The following IL27 variants were observed in gnomAD, a reference collection of about 807,000 sequenced individuals.
IL27 encodes the protein interleukin-27 subunit alpha.
IL27 carries 11 observed loss-of-function variants against 27.0 expected under a neutral mutation model. That is an observed-to-expected ratio of 0.41 (90% CI 0.26 to 0.67). IL27 has a LOEUF of 0.67. IL27 is among the 30% of genes least tolerant of loss of function. The probability of loss-of-function intolerance (pLI) is 0.34; values close to 1 mark genes in which losing one functional copy is unlikely to be tolerated. For missense variants in IL27, 299 were observed against 310.4 expected (o/e 0.96, Z 0.28); for synonymous variants, 134 against 140.6 (o/e 0.95, Z 0.33).
rs762188452 is a variant in IL27, at chr16:28,502,003, G to A, written c.435C>T (p.Arg145=). 16 of 1,609,872 alleles carry A rather than the reference G, an allele frequency of 9.9e-6. No individual in the cohort carries two copies. The highest frequency in any genetic ancestry group is 3.3e-5 in the South Asian group (3 of 91,022). The change falls in exon 4 of 5, where the codon CGC becomes CGT. Residue 145 remains arginine, a synonymous_variant. Coordinates refer to ENST00000356897, the MANE Select transcript of IL27 (RefSeq NM_145659.3). ...GGAAGCGGAGGTGCCGCTGCAGATC[G>A]CGGAGGTCCAGCCTCATGGCCCACA... ...MQLWAMRLDL[R]DLQRHLRFQV... is the part of the protein sequence containing the mutation.
chr16:28,503,401 C>G (rs947707990), intron 3 of IL27, among the ~76,000 whole-genome samples: 1 of 152,150 alleles, frequency 6.6e-6, no homozygotes, highest in African/African-American at 2.4e-5. Context: ...AGGTGTACAC[C>G]ACCATGCCTG....
intron 1 of IL27, 95 bp downstream of exon 1, chr16:28,506,686 T>C: frequency 8.7e-6 from 11 of 1,260,416 alleles, no homozygotes; most frequent in Admixed American, 6.8e-5. Flanking sequence ...GCCAAGTTGC[T>C]GCTCTCAGCT....
intron 4 of IL27, among the ~76,000 whole-genome samples, chr16:28,501,743 ACACACT>A (rs2046432411): frequency 7.5e-6 from 1 of 133,722 alleles, no homozygotes; most frequent in Non-Finnish European, 1.7e-5. Context: ...ACCCACACTC[ACACACT>A]CTCACAGTCA....
chr16:28,505,399 C>T (rs1211640690), intron 1 of IL27, among the ~76,000 whole-genome samples: 3 of 152,016 alleles, frequency 2.0e-5, no homozygotes, highest in African/African-American at 4.8e-5. Context: ...TGCAGTGGCG[C>T]GATCTCGACT....
rs554957339 is a variant in IL27 at position 28,503,913 on chromosome 16, G to A, written c.169C>T (p.Leu57=). 1 of 1,614,236 alleles carries A rather than the reference G, an allele frequency of 6.2e-7. No homozygotes were observed. Among genetic ancestry groups the A allele is most frequent in the South Asian group, 1.1e-5 (1 of 91,090 alleles). The change falls in exon 2 of 5, where the codon CTG becomes TTG. Residue 57 remains leucine (L), a synonymous_variant. Transcript: ENST00000356897. ...FTVSLHLARK[L]LSEVRGQAHR... ...GCCTGGCCCCGAACCTCGGAGAGCA[G>A]CTTCCTGGCGAGATGCAGGCTGACT... is the stretch of plus-strand genomic sequence containing the variant.
At chr16:28,501,892 C>A in intron 4 of IL27, 84 bp downstream of exon 4, 1 of 1,471,126 alleles carries the variant, frequency 6.8e-7, no homozygotes, top group Non-Finnish European at 9.3e-7. Context: ...CACTCACACA[C>A]ACTCAGAGCA....
chr16:28,499,628 G>A lies in IL27; in HGVS notation c.*23C>T, dbSNP rs1416366782. ...GTCCTAAAGTTCTAAAGGGTGGGGG[G>A]CAGGGGGCTAAGAAGCCACCGATCA... On this transcript the variant is annotated 3_prime_UTR_variant, in exon 5 of 5. Coordinates refer to ENST00000356897, the MANE Select transcript of IL27 (RefSeq NM_145659.3). 5.7e-6 allele frequency: 9 copies of A among 1,575,938 alleles called. No individual in the cohort carries two copies. Among genetic ancestry groups the A allele is most frequent in the Non-Finnish European group, 7.8e-6 (9 of 1,155,130 alleles).
chr16:28,504,302 A>T (rs2046449607), intron 1 of IL27, among the ~76,000 whole-genome samples: 1 of 152,090 alleles, frequency 6.6e-6, no homozygotes, highest in Non-Finnish European at 1.5e-5. Flanking sequence ...ACATGGCGAA[A>T]CCCTGTCTCT....
chr16:28,500,566 C>T (rs1405029891), intron 4 of IL27, among the ~76,000 whole-genome samples: 3 of 151,760 alleles, frequency 2.0e-5, no homozygotes, highest in East Asian at 2.0e-4. Context: ...TGAGCCACCA[C>T]GCCCAGCCCT....
chr16:28,505,930 C>G (rs1336760053), intron 1 of IL27, among the ~76,000 whole-genome samples: 1 of 152,152 alleles, frequency 6.6e-6, no homozygotes, highest in African/African-American at 2.4e-5. Context: ...CCCTCGTGGG[C>G]TTGCAGATGT....
chr16:28,499,718 A>G lies in IL27; in HGVS notation c.665T>C (p.Leu222Pro). ...TGAGTGCCCAGCCTTGGACAGCAGC[A>G]GCAACTCCCGCACGGCCCGAGATAA... ...LVLSRAVREL[L>P]LLSKAGHSVW... The change falls in exon 5 of 5, where the codon CTG (leucine) becomes CCG (proline). Residue 222 changes from leucine to proline, a missense_variant. Coordinates refer to ENST00000356897, the MANE Select transcript of IL27 (RefSeq NM_145659.3). The G allele has an allele frequency of 6.2e-7, 1 of 1,613,706 alleles. No homozygotes were observed. The highest frequency in any genetic ancestry group is 8.5e-7 in the Non-Finnish European group (1 of 1,179,886).
chr16:28,503,998 T>C lies in IL27; in HGVS notation c.84A>G (p.Gly28=), dbSNP rs377218621. The change falls in exon 2 of 5, where the codon GGA becomes GGG. Residue 28 remains glycine (G), a synonymous_variant. Coordinates refer to ENST00000356897, the MANE Select transcript of IL27 (RefSeq NM_145659.3). The stretch of plus-strand genomic sequence containing the variant: ...GGGGCCTCCCTGGGGGCCTTGGGAA[T>C]CCCCAGACACCAGCTTGAACCAGGA... ...PLLLVQAGVW[G]FPRPPGRPQL... The C allele has an allele frequency of 1.2e-5, 20 of 1,613,356 alleles. No homozygotes were observed. Among genetic ancestry groups the C allele is most frequent in the Non-Finnish European group, 1.7e-5 (20 of 1,179,692 alleles).
chr16:28,500,277 CCT>C (rs376841701), intron 4 of IL27, among the ~76,000 whole-genome samples: 2 of 149,476 alleles, frequency 1.3e-5, no homozygotes, highest in Non-Finnish European at 3.0e-5. Flanking sequence ...GCTTGCCATT[CCT>C]CTCTCTCTCT....
chr16:28,500,260 C>T (rs533224814), intron 4 of IL27, among the ~76,000 whole-genome samples: 7 of 152,202 alleles, frequency 4.6e-5, no homozygotes, highest in African/African-American at 1.7e-4. Context: ...AGCTCAGATT[C>T]CCTGCTGCTT....
chr16:28,506,320 T>A (rs887030390), intron 1 of IL27, among the ~76,000 whole-genome samples: 13 of 152,136 alleles, frequency 8.5e-5, no homozygotes, highest in Non-Finnish European at 1.9e-4. Flanking sequence ...CAGCCGCAGA[T>A]TGGACCTCTT....
At position 28,503,604 on chromosome 16, in the gene IL27, A is replaced by G. The variant is rs373937672; in HGVS notation, c.303+91T>C. The G allele has an allele frequency of 7.2e-5, 64 of 887,532 alleles. No individual in the cohort carries two copies. The Middle Eastern group carries it at 9.8e-4, about 14-fold the overall frequency. 55.0% of individuals were successfully genotyped at this position (887,532 alleles called of 1,614,324 possible). Reference sequence around the variant, plus strand: ...CAGCCTTATCCAGGTTCTATCCCCAATGCATCTCCAGCTCAATCTCCAGCC... The same window carrying G: ...CAGCCTTATCCAGGTTCTATCCCCAGTGCATCTCCAGCTCAATCTCCAGCC... On this transcript the variant is annotated intron_variant, in intron 3 of 4. Coordinates refer to ENST00000356897, the MANE Select transcript of IL27 (RefSeq NM_145659.3).
At chr16:28,500,373 C>G (rs1473877498) in intron 4 of IL27, among the ~76,000 whole-genome samples, 1 of 152,074 alleles carries the variant, frequency 6.6e-6, no homozygotes, top group Non-Finnish European at 1.5e-5. Context: ...CTCCCCAGTT[C>G]AAGCAATTCT....
At position 28,499,458 on chromosome 16, in the gene IL27, C is replaced by A; in HGVS notation, c.*193G>T. On this transcript the variant is annotated 3_prime_UTR_variant, in exon 5 of 5. Coordinates refer to ENST00000356897, the MANE Select transcript of IL27 (RefSeq NM_145659.3). ...ATAAATAAACCATCATCTCCCTAAA[C>A]AATAAATAAATATCCAAGAAATAAA... 1.7e-6 allele frequency: 1 copy of A among 573,256 alleles called. No homozygotes were observed. The highest frequency in any genetic ancestry group is 3.1e-6 in the Non-Finnish European group (1 of 321,090). The allele number at this position is 573,256 out of a possible 1,614,324, so 35.5% of individuals were successfully genotyped here.
rs966428866 is a variant in IL27 at position 28,502,301 on chromosome 16, T to A, written c.304-167A>T. ...CAGCTGTGTCCCCATTCCTTCCATC[T>A]CCACTGTCTGGGACATTTGTCCCAT... On this transcript the variant is annotated intron_variant, in intron 3 of 4. Coordinates refer to ENST00000356897, the MANE Select transcript of IL27 (RefSeq NM_145659.3). Among the ~76,000 whole-genome samples, 4 of 150,452 alleles carry A rather than the reference T, an allele frequency of 2.7e-5. No homozygotes were observed. The Admixed American group carries it at 2.7e-4, about 10-fold the overall frequency.
Sources: allele counts gnomAD v4.1 joint callset (sites outside exome capture counted in the v4.1 genomes callset), GRCh38; gene constraint gnomAD v4.1.1; transcripts MANE v1.5; gene names NCBI Gene and HGNC (gene_info 2026-07-23, HGNC 2026-07-21).